The following FGF1 variants were observed in gnomAD, a reference collection of about 807,000 sequenced individuals.
The protein encoded by FGF1 is fibroblast growth factor 1, also known as beta-endothelial cell growth factor.
A neutral mutation model predicts 13.4 loss-of-function variants in FGF1; 9 were observed. The ratio of observed to expected loss-of-function variants is 0.67; its 90% confidence interval spans 0.40 to 1.17. The LOEUF (loss-of-function observed/expected upper bound fraction) is 1.17, where lower values mean the gene tolerates loss of function less well. FGF1 is among the 50% of genes most tolerant of loss of function. FGF1 has a pLI of 0.01. For missense variants in FGF1, 156 were observed against 192.7 expected, an observed-to-expected ratio of 0.81 and a Z score of 1.13; for synonymous variants, 93 against 79.0, an observed-to-expected ratio of 1.18 and a Z score of -0.94.
chr5:142,672,274 T>C (rs1399275044), intron 1 of FGF1, among the ~76,000 whole-genome samples: 1 of 152,208 alleles, frequency 6.6e-6, no homozygotes, highest in African/African-American at 2.4e-5. Context: ...CTATTTCCTA[T>C]AATGAGATCT....
intron 1 of FGF1, among the ~76,000 whole-genome samples, chr5:142,648,341 G>C (rs1373815607): frequency 1.3e-5 from 2 of 152,138 alleles, no homozygotes; most frequent in African/African-American, 2.4e-5. Flanking sequence ...AAAAGGATGA[G>C]TTCATGTCCT....
At chr5:142,616,952 C>A (rs953238777) in intron 1 of FGF1, among the ~76,000 whole-genome samples, 1 of 152,196 alleles carries the variant, frequency 6.6e-6, no homozygotes, top group Admixed American at 6.5e-5. Flanking sequence ...CACTTAACTG[C>A]ACAAATAGTC....
rs568241129 is a variant in FGF1, at chr5:142,614,475, C to T, written c.-34-314G>A. On this transcript the variant is annotated intron_variant, in intron 1 of 3. Transcript: ENST00000337706. ...GGAAAAGAATCATGTTTTGGTCCCT[C>T]CTTCTGGTCCACACACATCCTCAAA... is the stretch of plus-strand genomic sequence containing the variant. Among the ~76,000 whole-genome samples, 11 of 152,300 alleles carry T rather than the reference C, an allele frequency of 7.2e-5. No homozygotes were observed. The South Asian group carries it at 2.3e-3, about 32-fold the overall frequency.
intron 2 of FGF1, among the ~76,000 whole-genome samples, chr5:142,691,465 TAAAATA>T (rs545513047): frequency 0.061 from 7,585 of 124,708 alleles, 352 homozygotes; most frequent in African/African-American, 0.13. Flanking sequence ...TAAAATAAAA[TAAAATA>T]AAATAAAATA....
chr5:142,627,804 T>C (rs1183498556), intron 1 of FGF1, among the ~76,000 whole-genome samples: 1 of 152,222 alleles, frequency 6.6e-6, no homozygotes, highest in East Asian at 1.9e-4. Flanking sequence ...TAAAACTTGT[T>C]TCTTTTTGCA....
chr5:142,614,637 G>T (rs1338411424), intron 1 of FGF1, among the ~76,000 whole-genome samples: 3 of 152,172 alleles, frequency 2.0e-5, no homozygotes, highest in African/African-American at 4.8e-5. Flanking sequence ...AGCACAGATG[G>T]CCTGGACGTT....
chr5:142,663,841 G>A (rs1769774243), intron 1 of FGF1, among the ~76,000 whole-genome samples: 1 of 152,226 alleles, frequency 6.6e-6, no homozygotes. Context: ...CGAAGAGGCA[G>A]GGTGAGGCTG....
chr5:142,614,311 G>C (rs1424963113), intron 1 of FGF1, 150 bp from the exon 2 acceptor site: 3 of 625,516 alleles, frequency 4.8e-6, no homozygotes, highest in Non-Finnish European at 8.3e-6. Context: ...CCGCGGGCCT[G>C]TGAGGTGGCT....
chr5:142,692,830 AC>A (rs1752456815), intron 2 of FGF1, among the ~76,000 whole-genome samples: 2 of 150,480 alleles, frequency 1.3e-5, no homozygotes, highest in Admixed American at 1.3e-4. Flanking sequence ...GCAAAAACAA[AC>A]AAACAAACAA....
At chr5:142,655,142 G>A (rs1767924728) in intron 1 of FGF1, among the ~76,000 whole-genome samples, 1 of 152,220 alleles carries the variant, frequency 6.6e-6, no homozygotes, top group South Asian at 2.1e-4. Context: ...TTGCTGAGTT[G>A]AGAGGATTAA....
chr5:142,629,287 C>T (rs1358838402), intron 1 of FGF1, among the ~76,000 whole-genome samples: 1 of 152,156 alleles, frequency 6.6e-6, no homozygotes, highest in African/African-American at 2.4e-5. Flanking sequence ...TCCTGAGTAG[C>T]TCAGACTACA....
At chr5:142,598,946 T>C (rs1755871131) in intron 3 of FGF1, among the ~76,000 whole-genome samples, 1 of 152,170 alleles carries the variant, frequency 6.6e-6, no homozygotes, top group Admixed American at 6.5e-5. Flanking sequence ...AACTGTGGCA[T>C]AACCTAAGAC....
Position 142,595,355 on chromosome 5 carries a change from C to T in FGF1, c.403G>A (p.Gly135Ser), listed in dbSNP as rs759270544. 5.0e-6 allele frequency: 8 copies of T among 1,614,006 alleles called. No individual in the cohort carries two copies. The highest frequency in any genetic ancestry group is 1.7e-4 in the Middle Eastern group (1 of 6,058). ...GLKKNGSCKR[G>S]PRTHYGQKAI... ...TTCTGGCCATAGTGAGTCCGAGGAC[C>T]GCGTTTGCAGCTCCCATTCTTCTTG... is the stretch of plus-strand genomic sequence containing the variant. Residue 135 changes from glycine to serine, a missense_variant, in exon 4 of 4, where the codon GGT becomes AGT. Coordinates refer to ENST00000337706, the MANE Select transcript of FGF1 (RefSeq NM_000800.5).
intron 1 of FGF1, among the ~76,000 whole-genome samples, chr5:142,648,354 G>T (rs1766568859): frequency 1.3e-5 from 2 of 152,074 alleles, no homozygotes; most frequent in Middle Eastern, 3.2e-3. Context: ...CATGTCCTTT[G>T]CAGGGACATG....
intron 1 of FGF1, among the ~76,000 whole-genome samples, chr5:142,642,011 A>T (rs1049043976): frequency 1.3e-5 from 2 of 152,092 alleles, no homozygotes; most frequent in African/African-American, 4.8e-5. Context: ...GAGATGATTA[A>T]CCTCTCAAAT....
rs962500297 is a variant in FGF1, at chr5:142,614,468, G to A, written c.-34-307C>T. Among the ~76,000 whole-genome samples the A allele has an allele frequency of 4.6e-5, 7 of 152,188 alleles. No individual in the cohort carries two copies. The South Asian group carries it at 1.2e-3, about 27-fold the overall frequency. On this transcript the variant is annotated intron_variant, in intron 1 of 3. Coordinates refer to ENST00000337706, the MANE Select transcript of FGF1 (RefSeq NM_000800.5). Reference sequence around the variant, plus strand: ...ACCATGGGGAAAAGAATCATGTTTTGGTCCCTCCTTCTGGTCCACACACAT... The same window carrying A: ...ACCATGGGGAAAAGAATCATGTTTTAGTCCCTCCTTCTGGTCCACACACAT...
intron 1 of FGF1, chr5:142,626,888 CT>C (rs1762549626): frequency 6.6e-6 from 1 of 152,208 alleles, no homozygotes; most frequent in Non-Finnish European, 1.5e-5. Flanking sequence ...AGTCATAGAC[CT>C]GGATTTGGGT....
chr5:142,629,863 T>C (rs1763044304), intron 1 of FGF1, among the ~76,000 whole-genome samples: 1 of 142,666 alleles, frequency 7.0e-6, no homozygotes, highest in Non-Finnish European at 1.5e-5. Context: ...TATGATATTA[T>C]ATATACATAT....
At chr5:142,691,222 A>C (rs1288210904) in intron 2 of FGF1, among the ~76,000 whole-genome samples, 2 of 152,104 alleles carry the variant, frequency 1.3e-5, no homozygotes, top group Admixed American at 6.6e-5. Context: ...GGAGTTCGAG[A>C]CTAGCCTGGC....
Sources: allele counts gnomAD v4.1 joint callset (sites outside exome capture counted in the v4.1 genomes callset), GRCh38; gene constraint gnomAD v4.1.1; transcripts MANE v1.5; gene names NCBI Gene and HGNC (gene_info 2026-07-23, HGNC 2026-07-21).